The following PNPLA1 variants were observed in gnomAD, a reference collection of about 807,000 sequenced individuals.
The protein encoded by PNPLA1 is omega-hydroxyceramide transacylase.
PNPLA1 carries 36 observed loss-of-function variants against 51.7 expected under a neutral mutation model. The ratio of observed to expected loss-of-function variants is 0.70; its 90% CI spans 0.53 to 0.92. The LOEUF is 0.92. Ranked by LOEUF, PNPLA1 falls within the 40% of genes least tolerant of loss-of-function variation. The probability of loss-of-function intolerance (pLI) is 0.00; values close to 1 mark genes in which losing one functional copy is unlikely to be tolerated. For synonymous variants in PNPLA1, 293 were observed against 280.1 expected (o/e 1.05, Z -0.46); for missense variants, 658 against 682.5 (o/e 0.96, Z 0.40).
intron 3 of PNPLA1, among the ~76,000 whole-genome samples, chr6:36,293,804 C>T (rs1020894747): frequency 2.0e-5 from 3 of 152,166 alleles, no homozygotes; most frequent in Non-Finnish European, 4.4e-5. Context: ...AAAACAGAAG[C>T]CCCAGAAAGG....
At position 36,306,255 on chromosome 6, in the gene PNPLA1, C is replaced by T. The variant is rs768399485; in HGVS notation, c.1385-37C>T. ...CAAAAATGACTCCATATCCCCCCTC[C>T]CCATCTCACTCCCGTTTCCTATATC... On this transcript the variant is annotated intron_variant, in intron 6 of 8. Coordinates refer to ENST00000636260, the MANE Select transcript of PNPLA1 (RefSeq NM_001374623.1). 4.0e-6 allele frequency: 6 copies of T among 1,510,176 alleles called. No homozygotes were observed. In the South Asian group the frequency reaches 5.9e-5, roughly 15 times the overall value. 93.5% of individuals were successfully genotyped at this position (1,510,176 alleles called of 1,614,324 possible). A position where few individuals can be genotyped will look rare whatever the true frequency, so the allele number is the denominator to read the frequency against.
rs1771092302 is a variant in PNPLA1, at chr6:36,302,436, C to T, written c.1351C>T (p.Pro451Ser). 3 of 1,557,808 alleles carry T rather than the reference C, an allele frequency of 1.9e-6. No individual in the cohort carries two copies. Among genetic ancestry groups the T allele is most frequent in the Non-Finnish European group, 1.7e-6 (2 of 1,151,100 alleles). ...SSLSAFPAQP[P>S]VEELGQEQPQ... ...TCTTTCAGCCTTCCCTGCTCAGCCACCTGTGGAGGAACTAGGCCAAGAACA... is the reference window on the plus strand; with the variant it reads ...TCTTTCAGCCTTCCCTGCTCAGCCATCTGTGGAGGAACTAGGCCAAGAACA... Residue 451 changes from proline (P) to serine (S), a missense_variant, in exon 6 of 9, where the codon CCT becomes TCT. By Grantham distance (74) the Pro-to-Ser change is moderately conservative. Transcript: ENST00000636260.
chr6:36,300,196 A>AGAGAGAGAGAGAGATT (rs1770992627), intron 5 of PNPLA1, among the ~76,000 whole-genome samples: 1 of 119,408 alleles, frequency 8.4e-6, no homozygotes, highest in Non-Finnish European at 2.0e-5. Flanking sequence ...AGAGAGAGAG[A>AGAGAGAGAGAGAGATT]GAGAGAGAGA....
At position 36,277,688 on chromosome 6, in the gene PNPLA1, A is replaced by G. The variant is rs1770149269; in HGVS notation, c.205+7024A>G. 2.0e-5 allele frequency among the ~76,000 whole-genome samples: 3 copies of G among 152,198 alleles called. No individual in the cohort carries two copies. The South Asian group carries it at 6.2e-4, about 32-fold the overall frequency. On this transcript the variant is annotated intron_variant, in intron 1 of 8. Coordinates refer to ENST00000636260, the MANE Select transcript of PNPLA1 (RefSeq NM_001374623.1). The stretch of plus-strand genomic sequence containing the variant: ...AGGCCAGACTGGGCAACAAAGTGAG[A>G]CCCTGTTTCTACAAAAAATAAAATA...
intron 1 of PNPLA1, chr6:36,243,333 G>A (rs1769182572): frequency 6.6e-6 from 1 of 151,584 alleles, no homozygotes; most frequent in Non-Finnish European, 1.5e-5. Context: ...GATTCTTGAA[G>A]GAGAGATCTA....
At chr6:36,275,237 C>T (rs1463052865) in intron 1 of PNPLA1, among the ~76,000 whole-genome samples, 1 of 152,088 alleles carries the variant, frequency 6.6e-6, no homozygotes, top group Non-Finnish European at 1.5e-5. Flanking sequence ...TGCCACCACG[C>T]CCGGCTAATT....
At chr6:36,284,751 G>T (rs560405617) in intron 1 of PNPLA1, among the ~76,000 whole-genome samples, 1 of 152,292 alleles carries the variant, frequency 6.6e-6, no homozygotes, top group East Asian at 1.9e-4. Context: ...CCTTCCTAAG[G>T]TGGGTGGGGC....
At chr6:36,282,073 G>GAAAT (rs1391715214) in intron 1 of PNPLA1, among the ~76,000 whole-genome samples, 7 of 122,646 alleles carry the variant, frequency 5.7e-5, no homozygotes, top group African/African-American at 2.3e-4. Context: ...AAGAAAGAAA[G>GAAAT]AAAGAAAGAA....
chr6:36,251,042 A>G (rs980666768), intron 1 of PNPLA1, among the ~76,000 whole-genome samples: 3 of 151,988 alleles, frequency 2.0e-5, no homozygotes, highest in Non-Finnish European at 4.4e-5. Context: ...TTGCTCACCA[A>G]TGCATCTCCA....
At position 36,306,329 on chromosome 6, in the gene PNPLA1, C is replaced by T. The variant is rs1561873887; in HGVS notation, c.1422C>T (p.Ala474=). The change falls in exon 7 of 9, where the codon GCC becomes GCT. Residue 474 remains alanine (A), a synonymous_variant. Coordinates refer to ENST00000636260, the MANE Select transcript of PNPLA1 (RefSeq NM_001374623.1). The part of the protein sequence containing the change: ...ALLVSSKPKS[A]VPLVHVKETV... ...TTGTCTCTTCAAAACCAAAAAGCGCCGTGCCTCTGGTTCATGTGAAGGAAA... is the reference window on the plus strand; with the variant it reads ...TTGTCTCTTCAAAACCAAAAAGCGCTGTGCCTCTGGTTCATGTGAAGGAAA... The T allele has an allele frequency of 3.7e-6, 6 of 1,612,892 alleles. No individual in the cohort carries two copies. The highest frequency in any genetic ancestry group is 1.1e-5 in the South Asian group (1 of 90,940).
intron 1 of PNPLA1, among the ~76,000 whole-genome samples, chr6:36,286,054 C>G (rs1770478127): frequency 6.6e-6 from 1 of 152,264 alleles, no homozygotes; most frequent in Non-Finnish European, 1.5e-5. Context: ...TCTGAATCAT[C>G]AAAATGCCTT....
chr6:36,301,404 T>A (rs1771042113), intron 5 of PNPLA1, among the ~76,000 whole-genome samples: 3 of 151,296 alleles, frequency 2.0e-5, no homozygotes, highest in Admixed American at 2.0e-4. Context: ...CTCAGCCTCC[T>A]CCCCCAGCAC....
chr6:36,261,924 C>A (rs1316088438), intron 1 of PNPLA1, among the ~76,000 whole-genome samples: 1 of 152,236 alleles, frequency 6.6e-6, no homozygotes, highest in Admixed American at 6.5e-5. Flanking sequence ...TGATCCCTTT[C>A]TCTTCTTTTA....
upstream of PNPLA1, among the ~76,000 whole-genome samples, chr6:36,265,571 G>T (rs1437468975): frequency 1.3e-5 from 2 of 152,100 alleles, no homozygotes; most frequent in African/African-American, 2.4e-5. Context: ...AAAGCAAAGG[G>T]CATATTTCAT....
intron 5 of PNPLA1, among the ~76,000 whole-genome samples, chr6:36,300,178 T>TGTGTGTGTGTGTGTGTGTGTGTGTGAGA: frequency 2.3e-4 from 23 of 98,124 alleles, no homozygotes; most frequent in African/African-American, 6.3e-4. Context: ...TGTGTGTGTG[T>TGTGTGTGTGTGTGTGTGTGTGTGTGAGA]GAGAGAGAGA....
At chr6:36,295,218 G>A (rs1770820428) in intron 4 of PNPLA1, 146 bp from the exon 5 acceptor site, 3 of 755,388 alleles carry the variant, frequency 4.0e-6, no homozygotes, top group South Asian at 3.2e-5. Context: ...AGCAGACAGT[G>A]AGGGATGGGA....
rs915720886 is a variant in PNPLA1 at position 36,293,124 on chromosome 6, G to A, written c.502G>A (p.Val168Met). The A allele has an allele frequency of 6.2e-7, 1 of 1,614,004 alleles. No homozygotes were observed. The highest frequency in any genetic ancestry group is 8.5e-7 in the Non-Finnish European group (1 of 1,179,866). ...CGLIPPTYRG[V>M]RYIDGGFTGM... ...CCTCATCCCCCCGACTTACCGCGGT[G>A]TGGTGAGTGCTTCGGCATGGTGAGG... Residue 168 changes from valine to methionine, a missense_variant and splice_region_variant, in exon 3 of 9, where the codon GTG (valine) becomes ATG (methionine). Coordinates refer to ENST00000636260, the MANE Select transcript of PNPLA1 (RefSeq NM_001374623.1).
intron 1 of PNPLA1, among the ~76,000 whole-genome samples, chr6:36,253,911 T>C (rs941338153): frequency 6.6e-6 from 1 of 152,178 alleles, no homozygotes; most frequent in East Asian, 1.9e-4. Context: ...TCGGCTGTAT[T>C]CTCCCCGTGT....
chr6:36,295,949 G>A (rs1210357159), intron 5 of PNPLA1, among the ~76,000 whole-genome samples: 1 of 152,220 alleles, frequency 6.6e-6, no homozygotes, highest in Non-Finnish European at 1.5e-5. Flanking sequence ...TGCTTTATCA[G>A]GGTGGAAGAA....
Sources: gnomAD v4.1 joint callset for allele counts (sites outside exome capture counted in the v4.1 genomes callset) on GRCh38, gnomAD v4.1.1 for gene constraint, MANE v1.5 for transcripts, NCBI Gene and HGNC (gene_info 2026-07-23, HGNC 2026-07-21) for gene names.